The following LRRFIP1 variants were observed in gnomAD, a reference collection of about 807,000 sequenced individuals.
The protein encoded by LRRFIP1 is LRR binding FLII interacting protein 1.
In LRRFIP1, 62 loss-of-function variants were observed where a neutral mutation model predicts 104.4. The ratio of observed to expected loss-of-function variants is 0.59; its 90% CI spans 0.48 to 0.73. The LOEUF (loss-of-function observed/expected upper bound fraction) is 0.73, where lower values mean the gene tolerates loss of function less well. Ranked by LOEUF, LRRFIP1 falls within the 30% of genes least tolerant of loss-of-function variation. LRRFIP1 has a pLI of 0.00. For missense variants in LRRFIP1, 796 were observed against 824.5 expected, an observed-to-expected ratio of 0.97 and a Z score of 0.42; for synonymous variants, 300 against 299.0, an observed-to-expected ratio of 1.00 and a Z score of -0.03.
In LRRFIP1 at chr2:237,760,166, G is replaced by C. The variant is rs1352563127; in HGVS notation, c.1420G>C (p.Glu474Gln). The C allele has an allele frequency of 6.2e-7, 1 of 1,614,120 alleles. No homozygotes were observed. The highest frequency in any genetic ancestry group is 8.5e-7 in the Non-Finnish European group (1 of 1,180,006). ...AGGTCCTACCAAGATGACAAAAGAA[G>C]AGTTAAATGCCCTCAAGTCGACAGG... is the stretch of plus-strand genomic sequence containing the variant. Reference protein sequence around the residue: ...YQGPTKMTKEELNALKSTGDG... With the variant: ...YQGPTKMTKEQLNALKSTGDG... The change falls in exon 19 of 24, where the codon GAG becomes CAG. Residue 474 changes from glutamate to glutamine, a missense_variant. Glu to Gln is a conservative substitution (Grantham distance 29). Transcript: ENST00000308482.
intron 1 of LRRFIP1, among the ~76,000 whole-genome samples, chr2:237,670,087 A>T (rs2090099413): frequency 6.6e-6 from 1 of 152,216 alleles, no homozygotes; most frequent in Non-Finnish European, 1.5e-5. Flanking sequence ...AGGAAAACGT[A>T]ATGCATATTC....
At chr2:237,771,566 G>GC (rs1305976663) in intron 20 of LRRFIP1, among the ~76,000 whole-genome samples, 1 of 57,212 alleles carries the variant, frequency 1.7e-5, no homozygotes, top group African/African-American at 8.1e-5. Flanking sequence ...CCCCCCCCCC[G>GC]CCCAGATACC....
At chr2:237,750,998 A>C (rs1247391105) in intron 13 of LRRFIP1, among the ~76,000 whole-genome samples, 1 of 152,220 alleles carries the variant, frequency 6.6e-6, no homozygotes, top group African/African-American at 2.4e-5. Flanking sequence ...AATTGTATAA[A>C]ATCATGTAAA....
rs969655108 is a variant in LRRFIP1 at position 237,691,273 on chromosome 2, G to T, written c.97-17271G>T. 1.3e-5 allele frequency among the ~76,000 whole-genome samples: 2 copies of T among 152,242 alleles called. No homozygotes were observed. The highest frequency in any genetic ancestry group is 3.8e-4 in the East Asian group (2 of 5,198). ...CCCCAGCCTGGCGAGGTCGGGAACC[G>T]TTTCCCGCAGGACTTTCATTGGGAG... On this transcript the variant is annotated intron_variant, in intron 1 of 23. Transcript: ENST00000308482. The surrounding 1 kb of genome is among the most constrained non-coding windows in gnomAD (Gnocchi z 5.4).
At chr2:237,651,982 C>T (rs914107660) in intron 1 of LRRFIP1, among the ~76,000 whole-genome samples, 2 of 152,212 alleles carry the variant, frequency 1.3e-5, no homozygotes, top group African/African-American at 2.4e-5. Flanking sequence ...CAGATTCTGG[C>T]GTACCTTTTG....
At chr2:237,697,724 A>G (rs1441962461) in intron 1 of LRRFIP1, among the ~76,000 whole-genome samples, 4 of 152,208 alleles carry the variant, frequency 2.6e-5, no homozygotes, top group Non-Finnish European at 4.4e-5. Context: ...TGAGCAGAGC[A>G]GGCAAAGGTG....
chr2:237,692,455 G>T lies in LRRFIP1; in HGVS notation c.97-16089G>T, dbSNP rs1029856260. 8 of 1,523,844 alleles carry T rather than the reference G, an allele frequency of 5.2e-6. No individual in the cohort carries two copies. The South Asian group carries it at 8.6e-5, about 16-fold the overall frequency. 94.4% of individuals were successfully genotyped at this position (1,523,844 alleles called of 1,614,324 possible). On this transcript the variant is annotated intron_variant, in intron 1 of 23. Transcript: ENST00000308482. ...GGGTGGAGCGGGCCGAGCCCGGCAG[G>T]ATGACCAGCCCCGCGGCCGCTCAAA... is the stretch of plus-strand genomic sequence containing the variant.
In LRRFIP1 at chr2:237,748,401, T is replaced by G; in HGVS notation, c.669+2T>G. The G allele has an allele frequency of 6.2e-7, 1 of 1,603,144 alleles. No individual in the cohort carries two copies. The highest frequency in any genetic ancestry group is 8.5e-7 in the Non-Finnish European group (1 of 1,176,462). On this transcript the variant is annotated splice_donor_variant, in intron 12 of 23. Transcript: ENST00000308482. LOFTEE classifies it high-confidence loss of function. ...CCAGAAAAAGATTTTACTGAGAAGG[T>G]AAGGAATCGTTCATAAACCTAGAGG...
chr2:237,751,385 G>A (rs946849489), intron 14 of LRRFIP1, 114 bp downstream of exon 14: 7 of 796,182 alleles, frequency 8.8e-6, no homozygotes, highest in Non-Finnish European at 1.2e-5. Context: ...TAGGCTCCAG[G>A]GTGTAGAAGA....
chr2:237,672,138 GT>G (rs556642139), intron 1 of LRRFIP1, among the ~76,000 whole-genome samples: 7 of 151,398 alleles, frequency 4.6e-5, no homozygotes, highest in African/African-American at 1.5e-4. Flanking sequence ...TGAAAAAAAT[GT>G]TTTTTTTCCT....
At chr2:237,769,772 G>GCTGTGGCCTCATTCACCCCGTCCTGT in intron 19 of LRRFIP1, 171 bp from the exon 20 acceptor site, 2 of 610,376 alleles carry the variant, frequency 3.3e-6, no homozygotes, top group South Asian at 3.9e-5. Context: ...ACCTCCTTTG[G>GCTGTGGCCTCATTCACCCCGTCCTGT]CTGTGGCCTC....
At chr2:237,710,198 T>G (rs1340049903) in intron 2 of LRRFIP1, among the ~76,000 whole-genome samples, 14 of 152,090 alleles carry the variant, frequency 9.2e-5, no homozygotes, top group Admixed American at 9.2e-4. Context: ...TCTCAGGTGC[T>G]TTTTCACACT....
At chr2:237,688,629 T>C (rs1341848397) in intron 1 of LRRFIP1, among the ~76,000 whole-genome samples, 1 of 151,902 alleles carries the variant, frequency 6.6e-6, no homozygotes, top group East Asian at 1.9e-4. Flanking sequence ...CAGCTAACTT[T>C]TGTATTTTTA....
At chr2:237,695,329 C>T (rs1234380916) in intron 1 of LRRFIP1, among the ~76,000 whole-genome samples, 4 of 152,200 alleles carry the variant, frequency 2.6e-5, no homozygotes, top group Admixed American at 2.0e-4. Flanking sequence ...GCCACTTATG[C>T]TGAGCACAGG....
intron 1 of LRRFIP1, among the ~76,000 whole-genome samples, chr2:237,689,167 C>T (rs187155928): frequency 2.6e-5 from 4 of 151,994 alleles, no homozygotes; most frequent in East Asian, 1.9e-4. Context: ...TTGCATTTTT[C>T]GCTGTTAATT....
rs1359703242 is a variant in LRRFIP1, at chr2:237,720,632, CT to C, written c.295-139del. On this transcript the variant is annotated intron_variant, in intron 5 of 23. Transcript: ENST00000308482. ...TGTGGAGGACCTAGACTGGTGTCCC[CT>C]GAGATGTCCAGGGGTGGCTGGCCCC... The C allele has an allele frequency of 8.7e-6, 6 of 687,600 alleles. No homozygotes were observed. In the African/African-American group the frequency reaches 8.8e-5, roughly 10 times the overall value. The allele number at this position is 687,600 out of a possible 1,614,324, so 42.6% of individuals were successfully genotyped here. A position where few individuals can be genotyped will look rare whatever the true frequency, so the allele number is the denominator to read the frequency against.
At chr2:237,654,757 G>A (rs1272351610) in intron 1 of LRRFIP1, among the ~76,000 whole-genome samples, 1 of 152,062 alleles carries the variant, frequency 6.6e-6, no homozygotes, top group African/African-American at 2.4e-5. Context: ...CACCATGTTG[G>A]CCAGGCTGGT....
At chr2:237,670,495 T>C (rs533965359) in intron 1 of LRRFIP1, among the ~76,000 whole-genome samples, 2 of 152,224 alleles carry the variant, frequency 1.3e-5, no homozygotes, top group Non-Finnish European at 2.9e-5. Flanking sequence ...CTGAGCTGAA[T>C]TGAAGCTGTG....
chr2:237,674,863 T>C (rs1575377115), intron 1 of LRRFIP1, among the ~76,000 whole-genome samples: 1 of 152,396 alleles, frequency 6.6e-6, no homozygotes, highest in Non-Finnish European at 1.5e-5. Flanking sequence ...AATAAGGACG[T>C]GCACGCACGT....
Sources: gnomAD v4.1 joint callset for allele counts (sites outside exome capture counted in the v4.1 genomes callset) on GRCh38, gnomAD v4.1.1 for gene constraint, Gnocchi (gnomAD v3.1) non-coding constraint, MANE v1.5 for transcripts, NCBI Gene and HGNC (gene_info 2026-07-23, HGNC 2026-07-21) for gene names.